Variants in HOXA1 observed in about 807,000 individuals in gnomAD.
The protein encoded by HOXA1 is homeobox protein Hox-A1.
In HOXA1, 21 loss-of-function variants were observed where a neutral mutation model predicts 28.3. The ratio of observed to expected loss-of-function variants is 0.74; its 90% CI spans 0.53 to 1.07. The LOEUF (loss-of-function observed/expected upper bound fraction) is 1.07, where lower values mean the gene tolerates loss of function less well. Among genes scored for constraint, HOXA1 ranks in the 50% least tolerant of loss-of-function variants. The pLI is 0.00. For synonymous variants in HOXA1, 208 were observed against 181.2 expected (o/e 1.15, Z -1.19); for missense variants, 446 against 434.3 (o/e 1.03, Z -0.24).
Position 27,094,585 on chromosome 7 carries a change from T to C in HOXA1, c.863A>G (p.Glu288Gly). ...QNRRMKQKKREKEGLLPISPA... is the reference protein window; with the variant it reads ...QNRRMKQKKRGKEGLLPISPA... ...AGAGATGGGCAAGAGACCCTCCTTC[T>C]CACGTTTCTTTTGCTTCATTCGGCG... The change falls in exon 2 of 2, where the codon GAG becomes GGG. Residue 288 changes from glutamate (E) to glycine (G), a missense_variant. Glu to Gly is a moderately conservative substitution (Grantham distance 98). Transcript: ENST00000643460. 1.2e-6 allele frequency: 2 copies of C among 1,614,210 alleles called. No individual in the cohort carries two copies. The highest frequency in any genetic ancestry group is 1.7e-6 in the Non-Finnish European group (2 of 1,180,030).
chr7:27,094,301 T>C lies in HOXA1; in HGVS notation c.*139A>G. 1.4e-6 allele frequency: 1 copy of C among 697,082 alleles called. No homozygotes were observed. 43.2% of individuals were successfully genotyped at this position (697,082 alleles called of 1,614,324 possible). A position where few individuals can be genotyped will look rare whatever the true frequency, so the allele number is the denominator to read the frequency against. On this transcript the variant is annotated 3_prime_UTR_variant, in exon 2 of 2. Coordinates refer to ENST00000643460, the MANE Select transcript of HOXA1 (RefSeq NM_005522.5). The stretch of plus-strand genomic sequence containing the variant: ...AGAATTATCTGCAAATATATTATCC[T>C]GGCCAGGAGCTCCCCAGATAGGATT...
In HOXA1 at chr7:27,095,457, G is replaced by T. The variant is rs780109846; in HGVS notation, c.456C>A (p.Gly152=). The T allele has an allele frequency of 1.2e-5, 19 of 1,613,960 alleles. No individual in the cohort carries two copies. Among genetic ancestry groups the T allele is most frequent in the Non-Finnish European group, 1.5e-5 (18 of 1,179,998 alleles). Residue 152 remains glycine, a synonymous_variant, in exon 1 of 2, where the codon GGC becomes GGA. Transcript: ENST00000643460. ...GAATGTATTGAGGCGAGCCCACCGC[G>T]CCCCCAGCATAACCCTGGTGGTGGT... ...HHHHHQGYAG[G]AVGSPQYIHH...
rs772816544 is a variant in HOXA1 at position 27,095,369 on chromosome 7, G to A, written c.544C>T (p.Pro182Ser). 3 of 1,614,000 alleles carry A rather than the reference G, an allele frequency of 1.9e-6. No individual in the cohort carries two copies. Among genetic ancestry groups the A allele is most frequent in the Non-Finnish European group, 2.5e-6 (3 of 1,179,994 alleles). Residue 182 changes from proline (P) to serine (S), a missense_variant, in exon 1 of 2, where the codon CCT (proline) becomes TCT (serine). By Grantham distance (74) the Pro-to-Ser change is moderately conservative. Coordinates refer to ENST00000643460, the MANE Select transcript of HOXA1 (RefSeq NM_005522.5). ...GCTTCTTGGTGGCTGGCGTGGAGAGGGGACAAGGAGTTATTATACGTAGCC... is the reference window on the plus strand; with the variant it reads ...GCTTCTTGGTGGCTGGCGTGGAGAGAGGACAAGGAGTTATTATACGTAGCC... Reference protein sequence around the residue: ...ALATYNNSLSPLHASHQEACR... With the variant: ...ALATYNNSLSSLHASHQEACR...
In HOXA1 at chr7:27,094,024, C is replaced by T. The variant is rs554926387; in HGVS notation, c.*416G>A. 2.6e-5 allele frequency: 5 copies of T among 193,652 alleles called. No homozygotes were observed. Among genetic ancestry groups the T allele is most frequent in the South Asian group, 1.0e-4 (1 of 9,608 alleles). 12.0% of individuals were successfully genotyped at this position (193,652 alleles called of 1,614,324 possible). On this transcript the variant is annotated 3_prime_UTR_variant, in exon 2 of 2. Transcript: ENST00000643460. ...TCTCTTCTTCCTGAGCTCCTGGACT[C>T]GCCTTTCGCTATATCCTACTTTCAA...
At position 27,093,093 on chromosome 7, in the gene HOXA1, AAATAAATC is replaced by A. The variant is rs1159790633; in HGVS notation, c.*1339_*1346del. The A allele has an allele frequency of 6.6e-6, 1 of 152,654 alleles. No homozygotes were observed. Among genetic ancestry groups the A allele is most frequent in the Non-Finnish European group, 1.5e-5 (1 of 68,042 alleles). The allele number at this position is 152,654 out of a possible 1,614,324, so 9.5% of individuals were successfully genotyped here. On this transcript the variant is annotated 3_prime_UTR_variant, in exon 2 of 2. Coordinates refer to ENST00000643460, the MANE Select transcript of HOXA1 (RefSeq NM_005522.5). The stretch of plus-strand genomic sequence containing the variant: ...CAGGAAGTATCCATGTTTGTTTCAA[AAATAAATC>A]TGCTTCATAAATTTCTTCATCAGTC...
Position 27,094,334 on chromosome 7 carries a change from A to G in HOXA1, c.*106T>C, listed in dbSNP as rs985338867. 3.6e-6 allele frequency: 3 copies of G among 830,806 alleles called. No individual in the cohort carries two copies. Among genetic ancestry groups the G allele is most frequent in the Non-Finnish European group, 6.2e-6 (3 of 484,324 alleles). 51.5% of individuals were successfully genotyped at this position (830,806 alleles called of 1,614,324 possible). ...AGCTCCCCAGATAGGATTAGAAAGG[A>G]AGAAAGAGACTGTAAATGGAAAGAA... On this transcript the variant is annotated 3_prime_UTR_variant, in exon 2 of 2. Transcript: ENST00000643460.
chr7:27,094,885 TA>T, intron 1 of HOXA1, 90 bp from the exon 2 acceptor site: 9 of 973,904 alleles, frequency 9.2e-6, no homozygotes, highest in Non-Finnish European at 1.4e-5. Flanking sequence ...AACACTCAGG[TA>T]AAGAAAAGAT....
rs775236854 is a variant in HOXA1, at chr7:27,095,862, ACTG to A, written c.48_50del (p.Ser17del). On this transcript the variant is annotated inframe_deletion, in exon 1 of 2. Coordinates refer to ENST00000643460, the MANE Select transcript of HOXA1 (RefSeq NM_005522.5). ...GGGCTGAGCAGGTCCCCGAGTCGCC[ACTG>A]CTAAGTATGGGGTATTCCAGGAAGG... The A allele has an allele frequency of 4.3e-6, 7 of 1,613,794 alleles. No homozygotes were observed. In the East Asian group the frequency reaches 1.6e-4, roughly 36 times the overall value.
Position 27,095,330 on chromosome 7 carries a change from C to CG in HOXA1, c.582dup (p.Ala195ArgfsTer12). 1.2e-6 allele frequency: 2 copies of CG among 1,613,678 alleles called. No homozygotes were observed. The highest frequency in any genetic ancestry group is 1.7e-6 in the Non-Finnish European group (2 of 1,179,924). ...TGCGCTGGAGAAGATGTCTCCGATG[C>CG]GGGGGAGCGACAGGCTTCTTGGTGG... On this transcript the variant is annotated frameshift_variant, in exon 1 of 2. Coordinates refer to ENST00000643460, the MANE Select transcript of HOXA1 (RefSeq NM_005522.5). LOFTEE classifies it high-confidence loss of function.
chr7:27,095,176 AG>A (rs770810383), intron 1 of HOXA1, 84 bp downstream of exon 1: 82 of 1,440,864 alleles, frequency 5.7e-5, no homozygotes, highest in East Asian at 4.0e-4. Flanking sequence ...TTTAAAAAAA[AG>A]ATCATTATTA....
At position 27,095,424 on chromosome 7, in the gene HOXA1, T is replaced by C. The variant is rs752019754; in HGVS notation, c.489A>G (p.Ser163=). The C allele has an allele frequency of 1.8e-5, 29 of 1,614,006 alleles. No homozygotes were observed. The highest frequency in any genetic ancestry group is 2.4e-5 in the Non-Finnish European group (28 of 1,180,024). Residue 163 remains serine (S), a synonymous_variant, in exon 1 of 2, where the codon TCA becomes TCG. Coordinates refer to ENST00000643460, the MANE Select transcript of HOXA1 (RefSeq NM_005522.5). The part of the protein sequence containing the change: ...AVGSPQYIHH[S]YGQEHQSLAL... ...CCAGGCTCTGGTGCTCCTGTCCATA[T>C]GAGTGGTGAATGTATTGAGGCGAGC...
In HOXA1 at chr7:27,095,469, A is replaced by G; in HGVS notation, c.444T>C (p.Gly148=). The G allele has an allele frequency of 6.2e-7, 1 of 1,614,080 alleles. No homozygotes were observed. Among genetic ancestry groups the G allele is most frequent in the African/African-American group, 1.3e-5 (1 of 74,996 alleles). ...PMVQHHHHHQ[G]YAGGAVGSPQ... ...GCGAGCCCACCGCGCCCCCAGCATA[A>G]CCCTGGTGGTGGTGGTGATGCTGGA... Residue 148 remains glycine (G), a synonymous_variant, in exon 1 of 2, where the codon GGT becomes GGC. Transcript: ENST00000643460.
rs1192954063 is a variant in HOXA1, at chr7:27,093,160, G to A, written c.*1280C>T. 2.0e-5 allele frequency: 3 copies of A among 152,562 alleles called. No homozygotes were observed. The highest frequency in any genetic ancestry group is 4.4e-5 in the Non-Finnish European group (3 of 68,032). 9.5% of individuals were successfully genotyped at this position (152,562 alleles called of 1,614,324 possible). A position where few individuals can be genotyped will look rare whatever the true frequency, so the allele number is the denominator to read the frequency against. On this transcript the variant is annotated 3_prime_UTR_variant, in exon 2 of 2. Coordinates refer to ENST00000643460, the MANE Select transcript of HOXA1 (RefSeq NM_005522.5). ...CATTATGAGCTTTGATTATAATAAA[G>A]GAGCTGTTATTAACTTTTATTCAAG...
rs1783819316 is a variant in HOXA1, at chr7:27,095,977, A to G, written c.-65T>C. The G allele has an allele frequency of 1.2e-5, 12 of 1,024,864 alleles. No homozygotes were observed. The highest frequency in any genetic ancestry group is 8.6e-5 in the South Asian group (7 of 81,034). 63.5% of individuals were successfully genotyped at this position (1,024,864 alleles called of 1,614,324 possible). A position where few individuals can be genotyped will look rare whatever the true frequency, so the allele number is the denominator to read the frequency against. On this transcript the variant is annotated 5_prime_UTR_variant, in exon 1 of 2. An upstream start codon of the reference 5' UTR is lost. Coordinates refer to ENST00000643460, the MANE Select transcript of HOXA1 (RefSeq NM_005522.5). ...CTGTGCCAACTTTCTCACTTCCTCC[A>G]TGGGGCCGGAGAAGAAAAATGATAT...
Sources: allele counts gnomAD v4.1 joint callset, GRCh38; gene constraint gnomAD v4.1.1; transcripts MANE v1.5; gene names NCBI Gene and HGNC (gene_info 2026-07-23, HGNC 2026-07-21).